Variants in VIM observed in about 807,000 individuals in gnomAD.
VIM encodes epididymis secretory sperm binding protein.
In VIM, 18 loss-of-function variants were observed where a neutral mutation model predicts 50.3. The ratio of observed to expected loss-of-function variants is 0.36; its 90% confidence interval spans 0.25 to 0.53. VIM has a LOEUF of 0.53. Among genes scored for constraint, VIM ranks in the 20% least tolerant of loss-of-function variants. VIM has a pLI of 0.91. For missense variants in VIM, 551 were observed against 614.7 expected (o/e 0.90, Z 1.10); for synonymous variants, 245 against 248.5 (o/e 0.99, Z 0.13).
intron 1 of VIM, 60 bp from the exon 2 acceptor site, chr10:17,229,216 G>A (rs1846733698): frequency 3.6e-6 from 2 of 558,384 alleles, no homozygotes; most frequent in Non-Finnish European, 6.3e-6. Flanking sequence ...TGGGATGGCA[G>A]TGGGAGGGGA....
intron 8 of VIM, 182 bp from the exon 9 acceptor site, chr10:17,236,112 T>C: frequency 2.8e-6 from 2 of 723,364 alleles, no homozygotes; most frequent in Non-Finnish European, 4.8e-6. Flanking sequence ...TATCTCATCC[T>C]GATGCTCAAG....
chr10:17,233,991 T>A, intron 5 of VIM, 60 bp downstream of exon 5: 1 of 1,558,178 alleles, frequency 6.4e-7, no homozygotes, highest in Admixed American at 1.9e-5. Context: ...CAAAACCCCA[T>A]ACCTGTGTGT....
intron 2 of VIM, 179 bp downstream of exon 2, chr10:17,230,164 C>A: frequency 1.4e-6 from 1 of 730,924 alleles, no homozygotes; most frequent in Non-Finnish European, 2.2e-6. Flanking sequence ...GCCCAGAACC[C>A]AGACCTTGCA....
At chr10:17,230,494 T>G in intron 2 of VIM, 156 bp from the exon 3 acceptor site, 2 of 885,462 alleles carry the variant, frequency 2.3e-6, no homozygotes, top group South Asian at 2.7e-5. Flanking sequence ...CGCTGAAACC[T>G]GCCGAGGGCA....
intron 2 of VIM, 98 bp downstream of exon 2, chr10:17,230,083 G>T: frequency 7.0e-7 from 1 of 1,421,702 alleles, no homozygotes; most frequent in Non-Finnish European, 9.3e-7. Flanking sequence ...ACGCCCTTGG[G>T]GATGTGGCCG....
rs1846882346 is a variant in VIM at position 17,235,999 on chromosome 10, A to T, written c.1273+110A>T. The T allele has an allele frequency of 3.4e-6, 4 of 1,165,596 alleles. No individual in the cohort carries two copies. The East Asian group carries it at 9.7e-5, about 28-fold the overall frequency. The allele number at this position is 1,165,596 out of a possible 1,614,324, so 72.2% of individuals were successfully genotyped here. ...ATCTGAAAAAATGCCATATAAGAGA[A>T]AACTCTATAAAACATCTATAATTTT... On this transcript the variant is annotated intron_variant, in intron 8 of 9. Transcript: ENST00000544301.
chr10:17,233,728 CCA>C, intron 4 of VIM, 40 bp from the exon 5 acceptor site: 5 of 1,614,188 alleles, frequency 3.1e-6, no homozygotes, highest in Non-Finnish European at 4.2e-6. Context: ...AAGGCAGCCC[CCA>C]CGGTTGGCAG....
At chr10:17,237,159 C>A in intron 9 of VIM, 71 bp from the exon 10 acceptor site, 3 of 1,322,450 alleles carry the variant, frequency 2.3e-6, no homozygotes, top group Non-Finnish European at 3.2e-6. Context: ...TTTTTATTTG[C>A]CGTGATATAT....
chr10:17,230,582 T>G (rs2131680420), intron 2 of VIM, 68 bp from the exon 3 acceptor site: 1 of 1,563,042 alleles, frequency 6.4e-7, no homozygotes, highest in Middle Eastern at 2.2e-4. Flanking sequence ...ATACGTGGTG[T>G]TTGGGTGTGG....
At chr10:17,230,870 T>A in intron 3 of VIM, 160 bp downstream of exon 3, 1 of 721,492 alleles carries the variant, frequency 1.4e-6, no homozygotes, top group Non-Finnish European at 2.3e-6. Context: ...GAGCTTCTCA[T>A]GATTAGAAAA....
rs528988416 is a variant in VIM, at chr10:17,235,465, T to C, written c.1229+76T>C. The C allele has an allele frequency of 3.3e-6, 5 of 1,496,528 alleles. No individual in the cohort carries two copies. The East Asian group carries it at 9.0e-5, about 27-fold the overall frequency. The allele number at this position is 1,496,528 out of a possible 1,614,324, so 92.7% of individuals were successfully genotyped here. ...CCCTGTGCCACTGGGCTCTAAGCAG[T>C]GTCACATTTAATCTTTAGAAAGTTT... On this transcript the variant is annotated intron_variant, in intron 7 of 9. Coordinates refer to ENST00000544301, the MANE Select transcript of VIM (RefSeq NM_003380.5).
rs111932484 is a variant in VIM, at chr10:17,234,818, C to T, written c.1008C>T (p.Thr336=). 14 of 1,614,098 alleles carry T rather than the reference C, an allele frequency of 8.7e-6. No homozygotes were observed. Among genetic ancestry groups the T allele is most frequent in the African/African-American group, 5.3e-5 (4 of 75,014 alleles). Residue 336 remains threonine (T), a splice_region_variant and synonymous_variant, in exon 6 of 10, where the codon ACC becomes ACT. Transcript: ENST00000544301. ...LTCEVDALKG[T]NESLERQMRE... is the part of the protein sequence containing the mutation. The stretch of plus-strand genomic sequence containing the variant: ...GTGAAGTGGATGCCCTTAAAGGAAC[C>T]GTGAGTACCAACCCTGCAGTAAAAG...
At position 17,234,559 on chromosome 10, in the gene VIM, T is replaced by C. The variant is rs184057557; in HGVS notation, c.883-134T>C. On this transcript the variant is annotated intron_variant, in intron 5 of 9. Coordinates refer to ENST00000544301, the MANE Select transcript of VIM (RefSeq NM_003380.5). Reference sequence around the variant, plus strand: ...AATACTAATGTCAGTACTCCACTGCTCTTTCCCTGGCTTTCAAAACAGAAA... The same window carrying C: ...AATACTAATGTCAGTACTCCACTGCCCTTTCCCTGGCTTTCAAAACAGAAA... 2.7e-4 allele frequency: 355 copies of C among 1,323,964 alleles called. 1 individual carries two copies. The African/African-American group carries it at 4.7e-3, about 18-fold the overall frequency. The allele number at this position is 1,323,964 out of a possible 1,614,324, so 82.0% of individuals were successfully genotyped here.
chr10:17,231,286 G>T lies in VIM; in HGVS notation c.624+576G>T, dbSNP rs191630687. Reference sequence around the variant, plus strand: ...AGCCAGCAAGTTTCTTTTCTTCTTTGCAAATTCTATTGTGTCATTAAAGTT... The same window carrying T: ...AGCCAGCAAGTTTCTTTTCTTCTTTTCAAATTCTATTGTGTCATTAAAGTT... On this transcript the variant is annotated intron_variant, in intron 3 of 9. Coordinates refer to ENST00000544301, the MANE Select transcript of VIM (RefSeq NM_003380.5). Among the ~76,000 whole-genome samples the T allele has an allele frequency of 1.6e-3, 237 of 152,252 alleles. 1 individual carries two copies. The highest frequency in any genetic ancestry group is 5.6e-3 in the African/African-American group (232 of 41,532).
Position 17,229,642 on chromosome 10 carries a change from G to A in VIM, c.220G>A (p.Val74Met), listed in dbSNP as rs1270633135. 6.4e-7 allele frequency: 1 copy of A among 1,569,100 alleles called. No individual in the cohort carries two copies. Among genetic ancestry groups the A allele is most frequent in the Non-Finnish European group, 8.6e-7 (1 of 1,157,178 alleles). The change falls in exon 2 of 10, where the codon GTG (valine) becomes ATG (methionine). Residue 74 changes from valine to methionine, a missense_variant. By Grantham distance (21) the Val-to-Met change is conservative (BLOSUM62 1). Coordinates refer to ENST00000544301, the MANE Select transcript of VIM (RefSeq NM_003380.5). ...CTCTGCCGTGCGCCTGCGGAGCAGC[G>A]TGCCCGGGGTGCGGCTCCTGCAGGA... ...RSSAVRLRSSVPGVRLLQDSV... is the reference protein window; with the variant it reads ...RSSAVRLRSSMPGVRLLQDSV...
At chr10:17,233,257 A>C in intron 3 of VIM, 1 of 344,938 alleles carries the variant, frequency 2.9e-6, no homozygotes. Flanking sequence ...CTTAAAAAGT[A>C]ATTTTAAAAT....
chr10:17,228,984 AC>A (rs1363242475), intron 1 of VIM: 90 of 224,178 alleles, frequency 4.0e-4, no homozygotes, highest in Middle Eastern at 1.7e-3. Flanking sequence ...TCCCAGGCGG[AC>A]CCCCCCCTCA....
Position 17,229,598 on chromosome 10 carries a change from G to T in VIM, c.176G>T (p.Gly59Val). 1 of 1,604,440 alleles carries T rather than the reference G, an allele frequency of 6.2e-7. No individual in the cohort carries two copies. The highest frequency in any genetic ancestry group is 8.5e-7 in the Non-Finnish European group (1 of 1,176,328). The change falls in exon 2 of 10, where the codon GGC (glycine) becomes GTC (valine). Residue 59 changes from glycine to valine, a missense_variant. Around this residue, in one of 3 missense-constraint regions of VIM, gnomAD observed 134 missense variants for 126.4 expected, o/e 1.06. Transcript: ENST00000544301. Reference sequence around the variant, plus strand: ...AGCCTCTACGCCTCGTCCCCGGGCGGCGTGTATGCCACGCGCTCCTCTGCC... The same window carrying T: ...AGCCTCTACGCCTCGTCCCCGGGCGTCGTGTATGCCACGCGCTCCTCTGCC... The part of the protein sequence containing the change: ...SRSLYASSPG[G>V]VYATRSSAVR...
At chr10:17,233,731 C>A (rs766865785) in intron 4 of VIM, 39 bp from the exon 5 acceptor site, 3 of 1,614,172 alleles carry the variant, frequency 1.9e-6, no homozygotes, top group Non-Finnish European at 2.5e-6. Flanking sequence ...GCAGCCCCCA[C>A]GGTTGGCAGA....
Sources: gnomAD v4.1 joint callset for allele counts (sites outside exome capture counted in the v4.1 genomes callset) on GRCh38, gnomAD v4.1.1 for gene constraint, gnomAD v4.1.1 regional missense constraint, MANE v1.5 for transcripts, NCBI Gene and HGNC (gene_info 2026-07-23, HGNC 2026-07-21) for gene names.